The following UBTD2 variants were observed in gnomAD, a reference collection of about 807,000 sequenced individuals.
UBTD2 encodes ubiquitin domain containing 2, also known as ubiquitin domain-containing protein 2.
UBTD2 carries 9 observed loss-of-function variants against 19.8 expected under a neutral mutation model. The observed-to-expected ratio is 0.46, with a 90% CI of 0.27 to 0.79. The LOEUF (loss-of-function observed/expected upper bound fraction) is 0.79, where lower values mean the gene tolerates loss of function less well. UBTD2 is among the 30% of genes least tolerant of loss of function. The pLI is 0.14. For synonymous variants in UBTD2, 98 were observed against 103.9 expected (o/e 0.94, Z 0.35); for missense variants, 250 against 300.4 (o/e 0.83, Z 1.24).
chr5:172,225,503 T>G (rs1771746752), intron 2 of UBTD2, among the ~76,000 whole-genome samples: 1 of 152,226 alleles, frequency 6.6e-6, no homozygotes, highest in Non-Finnish European at 1.5e-5. Flanking sequence ...GATGTATTTT[T>G]CAGCATTTAA....
intron 1 of UBTD2, among the ~76,000 whole-genome samples, chr5:172,278,400 T>C (rs1006970544): frequency 4.0e-5 from 6 of 151,896 alleles, no homozygotes; most frequent in African/African-American, 1.2e-4. Context: ...GTACCTATAA[T>C]CCCAGCTACT....
chr5:172,258,416 T>C (rs2113090135), intron 1 of UBTD2, among the ~76,000 whole-genome samples: 1 of 152,348 alleles, frequency 6.6e-6, no homozygotes, highest in East Asian at 1.9e-4. Flanking sequence ...TGAGGTCAGG[T>C]AGTGTGATGC....
chr5:172,283,648 G>A lies in UBTD2; in HGVS notation c.18C>T (p.Gly6=). Residue 6 remains glycine (G), a synonymous_variant, in exon 1 of 3, where the codon GGC becomes GGT. Coordinates refer to ENST00000393792, the MANE Select transcript of UBTD2 (RefSeq NM_152277.3). This position sits in a 1 kb window ranked among gnomAD's most constrained non-coding sequence, Gnocchi z 4.3. ...GGCTGCCCGAGGAGTCGTGCTGGGC[G>A]CCCACACACCCGCCCATGGGGGCCC... is the stretch of plus-strand genomic sequence containing the variant. MGGCV[G]AQHDSSGSLN... is the part of the protein sequence containing the mutation. 1 of 1,266,720 alleles carries A rather than the reference G, an allele frequency of 7.9e-7. No homozygotes were observed. Among genetic ancestry groups the A allele is most frequent in the Non-Finnish European group, 1.0e-6 (1 of 999,490 alleles). 78.5% of individuals were successfully genotyped at this position (1,266,720 alleles called of 1,614,324 possible). A position where few individuals can be genotyped will look rare whatever the true frequency, so the allele number is the denominator to read the frequency against.
At position 172,234,350 on chromosome 5, in the gene UBTD2, C is replaced by A. The variant is rs200495146; in HGVS notation, c.79G>T (p.Gly27Cys). 6.2e-7 allele frequency: 1 copy of A among 1,613,716 alleles called. No individual in the cohort carries two copies. Among genetic ancestry groups the A allele is most frequent in the Non-Finnish European group, 8.5e-7 (1 of 1,179,884 alleles). ...ENSEGTGVAL[G>C]RNQPLKKEKP... is the part of the protein sequence containing the mutation. ...TCCTTTTTCAAAGGCTGGTTACGAC[C>A]TAGAGCAACTGAAAAGAAAAATAAA... Residue 27 changes from glycine (G) to cysteine (C), a missense_variant, in exon 2 of 3, where the codon GGT (glycine) becomes TGT (cysteine). Gly to Cys is a radical substitution (Grantham distance 159). Coordinates refer to ENST00000393792, the MANE Select transcript of UBTD2 (RefSeq NM_152277.3).
At chr5:172,258,834 T>A (rs745545895) in intron 1 of UBTD2, among the ~76,000 whole-genome samples, 1 of 152,222 alleles carries the variant, frequency 6.6e-6, no homozygotes. Flanking sequence ...AAGTTTCCGA[T>A]CTAGGAGCTT....
At chr5:172,232,447 C>G (rs535880838) in intron 2 of UBTD2, among the ~76,000 whole-genome samples, 14 of 151,872 alleles carry the variant, frequency 9.2e-5, no homozygotes, top group Non-Finnish European at 1.3e-4. Context: ...TAACAGAAGA[C>G]TATGCTAATA....
At chr5:172,270,928 T>C (rs777439180) in intron 1 of UBTD2, among the ~76,000 whole-genome samples, 1 of 152,154 alleles carries the variant, frequency 6.6e-6, no homozygotes, top group Non-Finnish European at 1.5e-5. Flanking sequence ...ACCTATAATA[T>C]AGTCTCACAA....
At position 172,211,779 on chromosome 5, in the gene UBTD2, G is replaced by C. The variant is rs2113868837; in HGVS notation, c.*51C>G. ...GCCGCAGAGTAGGAAATGACAACAA[G>C]AACCATAAAAAGGAGCAGAGGGATG... is the stretch of plus-strand genomic sequence containing the variant. On this transcript the variant is annotated 3_prime_UTR_variant, in exon 3 of 3. Transcript: ENST00000393792. 1 of 1,515,896 alleles carries C rather than the reference G, an allele frequency of 6.6e-7. No homozygotes were observed. Among genetic ancestry groups the C allele is most frequent in the Non-Finnish European group, 8.8e-7 (1 of 1,131,258 alleles). 93.9% of individuals were successfully genotyped at this position (1,515,896 alleles called of 1,614,324 possible). A position where few individuals can be genotyped will look rare whatever the true frequency, so the allele number is the denominator to read the frequency against.
intron 1 of UBTD2, among the ~76,000 whole-genome samples, chr5:172,263,056 GCCC>G (rs541084492): frequency 6.6e-6 from 1 of 151,800 alleles, no homozygotes; most frequent in Non-Finnish European, 1.5e-5. Flanking sequence ...TCCCACCTCA[GCCC>G]CCCAAGTAGC....
At chr5:172,224,298 C>CTTTTT (rs35105814) in intron 2 of UBTD2, among the ~76,000 whole-genome samples, 9 of 121,646 alleles carry the variant, frequency 7.4e-5, no homozygotes, top group Admixed American at 1.8e-4. Flanking sequence ...TTTTTCATTT[C>CTTTTT]TTTTTTTTTT....
chr5:172,245,026 G>C (rs1036462302), intron 1 of UBTD2, among the ~76,000 whole-genome samples: 1 of 152,218 alleles, frequency 6.6e-6, no homozygotes, highest in African/African-American at 2.4e-5. Flanking sequence ...ACCGGGCCCA[G>C]CCTGTTTTGC....
intron 1 of UBTD2, among the ~76,000 whole-genome samples, chr5:172,259,654 T>C (rs1462071871): frequency 6.6e-6 from 1 of 151,990 alleles, no homozygotes; most frequent in Non-Finnish European, 1.5e-5. Context: ...AAGCTTTACT[T>C]TTTCTGTTAC....
intron 1 of UBTD2, among the ~76,000 whole-genome samples, chr5:172,237,168 A>G (rs1772028483): frequency 6.6e-6 from 1 of 152,188 alleles, no homozygotes; most frequent in Admixed American, 6.5e-5. Context: ...AACCCGACTC[A>G]CTGCAACCTC....
chr5:172,240,931 C>T (rs929590624), intron 1 of UBTD2, among the ~76,000 whole-genome samples: 1 of 151,910 alleles, frequency 6.6e-6, no homozygotes, highest in Non-Finnish European at 1.5e-5. Context: ...ATCATAAATA[C>T]ATATATATAA....
chr5:172,283,574 C>G lies in UBTD2; in HGVS notation c.70+22G>C. On this transcript the variant is annotated intron_variant, in intron 1 of 2. Transcript: ENST00000393792. The surrounding 1 kb of genome is among the most constrained non-coding windows in gnomAD (Gnocchi z 4.3). ...GGCCGGGAACAATGGGGGGCCGAGG[C>G]TGCCCCCTGGCGCTCACCTACCTCC... 1 of 1,297,296 alleles carries G rather than the reference C, an allele frequency of 7.7e-7. No individual in the cohort carries two copies. Among genetic ancestry groups the G allele is most frequent in the Non-Finnish European group, 9.8e-7 (1 of 1,016,120 alleles). The allele number at this position is 1,297,296 out of a possible 1,614,324, so 80.4% of individuals were successfully genotyped here.
At chr5:172,271,319 C>G (rs372820158) in intron 1 of UBTD2, among the ~76,000 whole-genome samples, 2 of 151,880 alleles carry the variant, frequency 1.3e-5, no homozygotes, top group Admixed American at 6.6e-5. Context: ...GTCCCAGCTA[C>G]TCAGGAGGCT....
chr5:172,258,166 G>A (rs1755197772), intron 1 of UBTD2, among the ~76,000 whole-genome samples: 1 of 152,136 alleles, frequency 6.6e-6, no homozygotes, highest in Admixed American at 6.5e-5. Context: ...ATCTTGAGTT[G>A]ACTTTTGTAG....
At chr5:172,241,078 C>G (rs1305059058) in intron 1 of UBTD2, among the ~76,000 whole-genome samples, 1 of 149,132 alleles carries the variant, frequency 6.7e-6, no homozygotes, top group Non-Finnish European at 1.5e-5. Context: ...TTGTAGAGAC[C>G]TTTTCTTCTC....
At chr5:172,272,276 T>C (rs1231494496) in intron 1 of UBTD2, among the ~76,000 whole-genome samples, 3 of 152,200 alleles carry the variant, frequency 2.0e-5, no homozygotes, top group African/African-American at 4.8e-5. Context: ...TACATGCTGA[T>C]TGTTCTTGGC....
Sources: allele counts gnomAD v4.1 joint callset (sites outside exome capture counted in the v4.1 genomes callset), GRCh38; gene constraint gnomAD v4.1.1; non-coding constraint Gnocchi (gnomAD v3.1); transcripts MANE v1.5; gene names NCBI Gene and HGNC (gene_info 2026-07-23, HGNC 2026-07-21).